Variants in TPST1 observed in about 807,000 individuals in gnomAD.
The protein encoded by TPST1 is protein-tyrosine sulfotransferase 1.
TPST1 carries 20 observed loss-of-function variants against 34.8 expected under a neutral mutation model. That is an observed-to-expected ratio of 0.57 (90% CI 0.40 to 0.84). The LOEUF (loss-of-function observed/expected upper bound fraction) is 0.84, where lower values mean the gene tolerates loss of function less well. Among genes scored for constraint, TPST1 ranks in the 40% least tolerant of loss-of-function variants. The pLI is 0.00. For missense variants in TPST1, 353 were observed against 455.5 expected, an observed-to-expected ratio of 0.78 and a Z score of 2.05; for synonymous variants, 152 against 159.4, an observed-to-expected ratio of 0.95 and a Z score of 0.35.
intron 2 of TPST1, among the ~76,000 whole-genome samples, chr7:66,274,902 T>TA (rs1454770534): frequency 6.6e-6 from 1 of 152,090 alleles, no homozygotes; most frequent in Non-Finnish European, 1.5e-5. Flanking sequence ...ATGGCTATTA[T>TA]AAAAAAGATA....
At chr7:66,215,610 G>A (rs944291226) in intron 1 of TPST1, among the ~76,000 whole-genome samples, 3 of 151,616 alleles carry the variant, frequency 2.0e-5, no homozygotes, top group Non-Finnish European at 2.9e-5. Flanking sequence ...TCCTGACCTC[G>A]TGATCCGCCC....
At chr7:66,341,423 A>G (rs1792235053) in intron 3 of TPST1, among the ~76,000 whole-genome samples, 1 of 152,112 alleles carries the variant, frequency 6.6e-6, no homozygotes, top group Non-Finnish European at 1.5e-5. Flanking sequence ...GATTGCAGGC[A>G]CCCATCACAA....
Position 66,286,549 on chromosome 7 carries a change from A to T in TPST1, c.884A>T (p.Asn295Ile). 3 of 1,606,064 alleles carry T rather than the reference A, an allele frequency of 1.9e-6. No individual in the cohort carries two copies. Among genetic ancestry groups the T allele is most frequent in the Non-Finnish European group, 2.6e-6 (3 of 1,175,374 alleles). Reference protein sequence around the residue: ...RSTDQVIKPVNVGALSKWVGK... With the variant: ...RSTDQVIKPVIVGALSKWVGK... ...ACAGACCAAGTAATCAAGCCAGTCA[A>T]TGTAGGAGCTCTATCAAAATGGGTT... The change falls in exon 3 of 6, where the codon AAT (asparagine) becomes ATT (isoleucine). Residue 295 changes from asparagine (N) to isoleucine (I), a missense_variant. Coordinates refer to ENST00000304842, the MANE Select transcript of TPST1 (RefSeq NM_003596.4).
chr7:66,310,719 C>T (rs149056621), intron 3 of TPST1, among the ~76,000 whole-genome samples: 226 of 152,168 alleles, frequency 1.5e-3, no homozygotes, highest in African/African-American at 5.2e-3. Context: ...AGGAATATTC[C>T]AACTAATACC....
intron 3 of TPST1, among the ~76,000 whole-genome samples, chr7:66,314,574 C>A (rs1468335816): frequency 6.6e-6 from 1 of 152,104 alleles, no homozygotes; most frequent in Non-Finnish European, 1.5e-5. Context: ...GAAGACTGTG[C>A]AAATAGCCAT....
chr7:66,204,767 G>T (rs1373477164), upstream of TPST1, among the ~76,000 whole-genome samples: 1 of 152,228 alleles, frequency 6.6e-6, no homozygotes, highest in Non-Finnish European at 1.5e-5. Flanking sequence ...CTGTGGTTGG[G>T]AGGGACTATT....
chr7:66,334,258 A>G (rs1343364481), intron 3 of TPST1, among the ~76,000 whole-genome samples: 1 of 152,158 alleles, frequency 6.6e-6, no homozygotes, highest in Non-Finnish European at 1.5e-5. Flanking sequence ...TAGAGAAAAT[A>G]AAGACACTAG....
rs866156741 is a variant in TPST1, at chr7:66,240,526, G to A, written c.101G>A (p.Arg34Gln). 8 of 1,614,028 alleles carry A rather than the reference G, an allele frequency of 5.0e-6. No homozygotes were observed. The highest frequency in any genetic ancestry group is 3.3e-5 in the Admixed American group (2 of 59,996). Residue 34 changes from arginine to glutamine, a missense_variant, in exon 2 of 6, where the codon CGG becomes CAG. Physicochemically the swap from Arg to Gln is conservative, Grantham distance 43. Transcript: ENST00000304842. Reference sequence around the variant, plus strand: ...CAGCATGCCATGGAATGCCATCACCGGATAGAGGAACGTAGCCAGCCAGTC... The same window carrying A: ...CAGCATGCCATGGAATGCCATCACCAGATAGAGGAACGTAGCCAGCCAGTC... ...LGQHAMECHH[R>Q]IEERSQPVKL... is the part of the protein sequence containing the mutation.
In TPST1 at chr7:66,339,969, A is replaced by G. The variant is rs188059915; in HGVS notation, c.1045-12536A>G. Reference sequence around the variant, plus strand: ...GACCAAAAACCATATGATGATTTCAATAGATGCTCAAAAAGCATTCAGTAG... The same window carrying G: ...GACCAAAAACCATATGATGATTTCAGTAGATGCTCAAAAAGCATTCAGTAG... On this transcript the variant is annotated intron_variant, in intron 3 of 5. Coordinates refer to ENST00000304842, the MANE Select transcript of TPST1 (RefSeq NM_003596.4). Among the ~76,000 whole-genome samples the G allele has an allele frequency of 4.3e-4, 66 of 152,316 alleles. No individual in the cohort carries two copies. The East Asian group carries it at 9.3e-3, about 21-fold the overall frequency.
intron 1 of TPST1, among the ~76,000 whole-genome samples, chr7:66,233,763 A>T (rs1028389620): frequency 6.6e-5 from 10 of 152,142 alleles, no homozygotes; most frequent in Non-Finnish European, 1.0e-4. Flanking sequence ...CATATCTTTA[A>T]CTTGACCTAC....
chr7:66,334,314 G>A (rs1204793228), intron 3 of TPST1, among the ~76,000 whole-genome samples: 1 of 151,954 alleles, frequency 6.6e-6, no homozygotes, highest in Non-Finnish European at 1.5e-5. Flanking sequence ...AAGATACCTG[G>A]CATCACTCTT....
intron 1 of TPST1, among the ~76,000 whole-genome samples, chr7:66,230,186 TCAAA>T (rs1044966993): frequency 3.3e-5 from 5 of 152,228 alleles, no homozygotes; most frequent in Admixed American, 6.5e-5. Flanking sequence ...AGACTCTGTC[TCAAA>T]CAAACAAACA....
intron 3 of TPST1, among the ~76,000 whole-genome samples, chr7:66,339,072 C>A (rs1313370474): frequency 2.8e-5 from 3 of 108,720 alleles, no homozygotes; most frequent in East Asian, 3.1e-4. Flanking sequence ...AATAGGTAAT[C>A]AAAATTGGCA....
intron 3 of TPST1, among the ~76,000 whole-genome samples, chr7:66,304,501 A>G (rs1283416784): frequency 6.6e-6 from 1 of 152,158 alleles, no homozygotes; most frequent in Non-Finnish European, 1.5e-5. Flanking sequence ...GGGAGACTTA[A>G]TTTTCTGTCC....
chr7:66,221,567 T>C (rs1219078034), intron 1 of TPST1: 2 of 152,118 alleles, frequency 1.3e-5, no homozygotes, highest in Non-Finnish European at 2.9e-5. Context: ...AAGTCTGAGA[T>C]TGGGATAGAA....
At chr7:66,328,865 T>A (rs1791928147) in intron 3 of TPST1, among the ~76,000 whole-genome samples, 1 of 13,584 alleles carries the variant, frequency 7.4e-5, no homozygotes, top group Non-Finnish European at 1.7e-4. Context: ...TCCCGCTCTC[T>A]CTCTCTCTCT....
At chr7:66,208,952 G>T (rs1789188384) in intron 1 of TPST1, among the ~76,000 whole-genome samples, 1 of 152,112 alleles carries the variant, frequency 6.6e-6, no homozygotes, top group East Asian at 1.9e-4. Flanking sequence ...AAGGTAAGGG[G>T]AGATGGGCAG....
At chr7:66,340,318 C>CT (rs1284911534) in intron 3 of TPST1, among the ~76,000 whole-genome samples, 1 of 152,118 alleles carries the variant, frequency 6.6e-6, no homozygotes, top group East Asian at 1.9e-4. Context: ...TAATTTTTCT[C>CT]TAAGATTAGG....
At chr7:66,324,437 A>T (rs1791819511) in intron 3 of TPST1, among the ~76,000 whole-genome samples, 1 of 152,154 alleles carries the variant, frequency 6.6e-6, no homozygotes, top group African/African-American at 2.4e-5. Context: ...TTTTACATAT[A>T]TACTTTTATT....
Sources: gnomAD v4.1 joint callset for allele counts (sites outside exome capture counted in the v4.1 genomes callset) on GRCh38, gnomAD v4.1.1 for gene constraint, MANE v1.5 for transcripts, NCBI Gene and HGNC (gene_info 2026-07-23, HGNC 2026-07-21) for gene names.